The following ACSF2 variants were observed in gnomAD, a reference collection of about 807,000 sequenced individuals.
ACSF2 encodes medium-chain acyl-CoA ligase ACSF2, mitochondrial.
In ACSF2, 52 loss-of-function variants were observed where a neutral mutation model predicts 79.3. The observed-to-expected ratio is 0.66, with a 90% CI of 0.53 to 0.83. The LOEUF is 0.83. ACSF2 is among the 40% of genes least tolerant of loss of function. The pLI, the probability that ACSF2 is intolerant of heterozygous loss-of-function variation, is 0.00. For synonymous variants in ACSF2, 283 were observed against 312.6 expected (o/e 0.91, Z 1.00); for missense variants, 661 against 803.3 (o/e 0.82, Z 2.14).
At chr17:50,461,712 C>A (rs1236106016) in intron 4 of ACSF2, 26 bp downstream of exon 4, 2 of 1,613,696 alleles carry the variant, frequency 1.2e-6, no homozygotes, top group East Asian at 4.5e-5. Flanking sequence ...CGGGGAGGGG[C>A]CCGGCTGGGG....
intron 6 of ACSF2, 199 bp downstream of exon 6, chr17:50,462,784 C>G: frequency 1.5e-6 from 1 of 646,702 alleles, no homozygotes; most frequent in Non-Finnish European, 2.6e-6. Flanking sequence ...CCCGCCCTCT[C>G]CACTCCAGCC....
In ACSF2 at chr17:50,463,344, G is replaced by T; in HGVS notation, c.889-51G>T. ...TGGGCTCCCCTTGCCAGCTAGAGAG[G>T]AACTGGCGTCTGGCTCCAAGACAGA... On this transcript the variant is annotated intron_variant, in intron 7 of 15. Transcript: ENST00000300441. This position sits in a 1 kb window ranked among gnomAD's most constrained non-coding sequence, Gnocchi z 4.6. 1 of 1,610,846 alleles carries T rather than the reference G, an allele frequency of 6.2e-7. No individual in the cohort carries two copies. The highest frequency in any genetic ancestry group is 1.1e-5 in the South Asian group (1 of 90,648).
intron 10 of ACSF2, chr17:50,468,807 G>A (rs1271925201): frequency 2.0e-6 from 3 of 1,534,190 alleles, no homozygotes; most frequent in Non-Finnish European, 2.6e-6. Flanking sequence ...AGCATTGGGC[G>A]GACCATGGCT....
chr17:50,440,296 A>G (rs1197769891), intron 1 of ACSF2, among the ~76,000 whole-genome samples: 1 of 152,114 alleles, frequency 6.6e-6, no homozygotes, highest in Non-Finnish European at 1.5e-5. Flanking sequence ...GGCCCCTCAC[A>G]AATCAAGGTT....
chr17:50,461,786 A>G, intron 4 of ACSF2, 100 bp downstream of exon 4: 7 of 1,445,882 alleles, frequency 4.8e-6, no homozygotes, highest in African/African-American at 1.4e-5. Flanking sequence ...TAGGGCATGC[A>G]TAGGCGGGTG....
At chr17:50,455,862 C>G (rs1343202697) in intron 1 of ACSF2, among the ~76,000 whole-genome samples, 1 of 152,194 alleles carries the variant, frequency 6.6e-6, no homozygotes, top group African/African-American at 2.4e-5. Context: ...TCCTCCTTCA[C>G]TGTGACGCTT....
intron 10 of ACSF2, chr17:50,468,209 A>G: frequency 2.5e-6 from 4 of 1,613,262 alleles, no homozygotes; most frequent in Non-Finnish European, 3.4e-6. Context: ...GTTCCTGTCC[A>G]CGTGGAATTT....
At chr17:50,468,320 C>A (rs775980214) in intron 10 of ACSF2, 7 of 1,614,026 alleles carry the variant, frequency 4.3e-6, no homozygotes, top group Admixed American at 1.7e-5. Context: ...CTGGAAGGCG[C>A]CTGCGCGCAG....
At chr17:50,473,541 A>C in intron 12 of ACSF2, 124 bp from the exon 13 acceptor site, 1 of 1,347,292 alleles carries the variant, frequency 7.4e-7, no homozygotes, top group Non-Finnish European at 1.0e-6. Flanking sequence ...TGTTCCTGCT[A>C]TGTCTCCCAG....
At chr17:50,436,065 A>T (rs1366435020) in intron 1 of ACSF2, among the ~76,000 whole-genome samples, 1 of 152,082 alleles carries the variant, frequency 6.6e-6, no homozygotes, top group Non-Finnish European at 1.5e-5. Flanking sequence ...ATTTTTGCTT[A>T]TATAGAATGT....
At chr17:50,473,601 G>A (rs1003851210) in intron 12 of ACSF2, 64 bp from the exon 13 acceptor site, 14 of 1,608,384 alleles carry the variant, frequency 8.7e-6, no homozygotes, top group African/African-American at 2.7e-5. Flanking sequence ...AATGTTTCAC[G>A]ACTGAGCAAG....
rs369333486 is a variant in ACSF2 at position 50,461,106 on chromosome 17, C to T, written c.325-136C>T. The T allele has an allele frequency of 1.8e-5, 26 of 1,408,222 alleles. No homozygotes were observed. The East Asian group carries it at 6.2e-4, about 33-fold the overall frequency. The allele number at this position is 1,408,222 out of a possible 1,614,324, so 87.2% of individuals were successfully genotyped here. A position where few individuals can be genotyped will look rare whatever the true frequency, so the allele number is the denominator to read the frequency against. On this transcript the variant is annotated intron_variant, in intron 2 of 15. Coordinates refer to ENST00000300441, the MANE Select transcript of ACSF2 (RefSeq NM_025149.6). ...CTATGCAGGCCCCAGGGCAGACCCA[C>T]TGAGGCTGGGAATCTGCCTGTCCCT...
In ACSF2 at chr17:50,463,960, AC is replaced by A; in HGVS notation, c.1138+52del. On this transcript the variant is annotated intron_variant, in intron 9 of 15. Coordinates refer to ENST00000300441, the MANE Select transcript of ACSF2 (RefSeq NM_025149.6). This position sits in a 1 kb window ranked among gnomAD's most constrained non-coding sequence, Gnocchi z 4.6. ...GCTTGGGGAGGGGGCTGCTTCCCCC[AC>A]AGGAATGGCCCGGGTGAGTTAGCTA... 1 of 1,548,630 alleles carries A rather than the reference AC, an allele frequency of 6.5e-7. No individual in the cohort carries two copies. The highest frequency in any genetic ancestry group is 1.1e-5 in the South Asian group (1 of 89,874).
chr17:50,465,934 A>T, intron 10 of ACSF2: 3 of 1,586,704 alleles, frequency 1.9e-6, no homozygotes, highest in Non-Finnish European at 2.6e-6. Context: ...TAAGCACCCG[A>T]GTGCCAGAGG....
chr17:50,433,778 C>T (rs971102677), intron 1 of ACSF2, among the ~76,000 whole-genome samples: 1 of 151,936 alleles, frequency 6.6e-6, no homozygotes, highest in Non-Finnish European at 1.5e-5. Flanking sequence ...ACCACCATGC[C>T]TTGCTAAATT....
At chr17:50,469,143 G>T in intron 10 of ACSF2, 1 of 646,436 alleles carries the variant, frequency 1.5e-6, no homozygotes, top group Non-Finnish European at 1.9e-6. Flanking sequence ...TCTGCCTACC[G>T]CCTTTCCCGG....
intron 1 of ACSF2, among the ~76,000 whole-genome samples, chr17:50,441,371 C>A (rs1598398171): frequency 6.6e-6 from 1 of 152,290 alleles, no homozygotes. Context: ...GATGGGGTTT[C>A]ACCATGTTGC....
At chr17:50,449,715 C>T (rs1034169898) in intron 1 of ACSF2, among the ~76,000 whole-genome samples, 1 of 152,112 alleles carries the variant, frequency 6.6e-6, no homozygotes, top group Non-Finnish European at 1.5e-5. Flanking sequence ...CTCCTGGCTA[C>T]TTCATTTCCT....
intron 10 of ACSF2, among the ~76,000 whole-genome samples, chr17:50,470,340 A>T (rs2033051307): frequency 6.6e-6 from 1 of 152,052 alleles, no homozygotes; most frequent in African/African-American, 2.4e-5. Context: ...AGGCTTCTCC[A>T]AGGCTGGCTT....
Sources: allele counts gnomAD v4.1 joint callset (sites outside exome capture counted in the v4.1 genomes callset), GRCh38; gene constraint gnomAD v4.1.1; non-coding constraint Gnocchi (gnomAD v3.1); transcripts MANE v1.5; gene names NCBI Gene and HGNC (gene_info 2026-07-23, HGNC 2026-07-21).